ACAD11: variants seen among roughly 807,000 people sequenced by gnomAD.
ACAD11 encodes the protein acyl-Coenzyme A dehydrogenase family, member 11.
A neutral mutation model predicts 102.2 loss-of-function variants in ACAD11; 83 were observed. The ratio of observed to expected loss-of-function variants is 0.81; its 90% CI spans 0.68 to 0.97. The LOEUF (loss-of-function observed/expected upper bound fraction) is 0.97. Among genes scored for constraint, ACAD11 ranks in the 50% least tolerant of loss-of-function variants. The probability of loss-of-function intolerance (pLI) is 0.00; values close to 1 mark genes in which losing one functional copy is unlikely to be tolerated. For missense variants in ACAD11, 901 were observed against 951.7 expected (o/e 0.95, Z 0.70); for synonymous variants, 324 against 319.8 (o/e 1.01, Z -0.14).
intron 13 of ACAD11, among the ~76,000 whole-genome samples, chr3:132,602,559 T>TA (rs1001298017): frequency 3.9e-5 from 6 of 152,182 alleles, no homozygotes; most frequent in Non-Finnish European, 8.8e-5. Context: ...TTATCTTTTT[T>TA]AAAAAAATTT....
intron 11 of ACAD11, among the ~76,000 whole-genome samples, chr3:132,608,660 CAA>C (rs59223957): frequency 0.021 from 3,262 of 152,226 alleles, 55 homozygotes; most frequent in South Asian, 0.072. Context: ...TTAGAGACTA[CAA>C]AGAGACTTAG....
Position 132,619,547 on chromosome 3 carries a change from T to C in ACAD11, c.1198-2A>G. 1.9e-6 allele frequency: 3 copies of C among 1,564,682 alleles called. No individual in the cohort carries two copies. The highest frequency in any genetic ancestry group is 1.7e-6 in the Non-Finnish European group (2 of 1,156,984). On this transcript the variant is annotated splice_acceptor_variant, in intron 9 of 19. Transcript: ENST00000264990. LOFTEE classifies it high-confidence loss of function. ...TTGAACATAGAACTCAGTTACCTCC[T>C]TAAAGTAATAAAAGAAAAAAATTTC...
intron 11 of ACAD11, among the ~76,000 whole-genome samples, chr3:132,606,181 A>G (rs1014157967): frequency 2.0e-5 from 3 of 152,226 alleles, no homozygotes; most frequent in Non-Finnish European, 2.9e-5. Flanking sequence ...CTTTAAGGTT[A>G]GTTACTGAAA....
At chr3:132,601,707 CGAA>C (rs1187454660) in intron 13 of ACAD11, 3 of 450,090 alleles carry the variant, frequency 6.7e-6, no homozygotes, top group Non-Finnish European at 1.3e-5. Context: ...TCTGCTGTAA[CGAA>C]GAAGAGCTTT....
intron 13 of ACAD11, among the ~76,000 whole-genome samples, chr3:132,590,653 C>T (rs117492382): frequency 6.6e-6 from 1 of 152,274 alleles, no homozygotes; most frequent in East Asian, 1.9e-4. Flanking sequence ...TTTTTTTCTA[C>T]AACCTCACCC....
At chr3:132,609,467 A>G (rs961608585) in intron 11 of ACAD11, among the ~76,000 whole-genome samples, 2 of 152,250 alleles carry the variant, frequency 1.3e-5, no homozygotes, top group African/African-American at 4.8e-5. Context: ...CTGATCCCAC[A>G]GAAATACAAA....
At chr3:132,615,556 C>A (rs1421049447) in intron 11 of ACAD11, among the ~76,000 whole-genome samples, 1 of 152,122 alleles carries the variant, frequency 6.6e-6, no homozygotes, top group Non-Finnish European at 1.5e-5. Context: ...AACCATCATT[C>A]TCAGCAAACT....
chr3:132,650,972 TCA>T (rs1423105217), intron 1 of ACAD11, among the ~76,000 whole-genome samples: 2 of 152,200 alleles, frequency 1.3e-5, no homozygotes, highest in Admixed American at 6.5e-5. Flanking sequence ...CCCCTGGAAC[TCA>T]CAGTCTTTCA....
chr3:132,630,261 T>C (rs530983531), intron 7 of ACAD11, among the ~76,000 whole-genome samples, 176 bp downstream of exon 7: 2 of 152,340 alleles, frequency 1.3e-5, no homozygotes, highest in African/African-American at 4.8e-5. Flanking sequence ...ATTTTTTCCT[T>C]GCCAAATTCC....
chr3:132,577,054 G>C, intron 15 of ACAD11, 39 bp from the exon 16 acceptor site: 2 of 1,214,622 alleles, frequency 1.6e-6, no homozygotes, highest in Non-Finnish European at 2.4e-6. Context: ...AAAAGGAGTT[G>C]ACTAAAAAAG....
In ACAD11 at chr3:132,659,592, G is replaced by C. The variant is rs1179969866; in HGVS notation, c.149+11C>G. On this transcript the variant is annotated intron_variant, in intron 1 of 19. Coordinates refer to ENST00000264990, the MANE Select transcript of ACAD11 (RefSeq NM_032169.5). ...TTTTTTTCCGCTGGAGGCAAAGGCT[G>C]ACATCCATACCTGTACTGGGCAATG... 3.1e-6 allele frequency: 5 copies of C among 1,608,918 alleles called. No homozygotes were observed. Among genetic ancestry groups the C allele is most frequent in the African/African-American group, 1.3e-5 (1 of 74,584 alleles).
At position 132,628,436 on chromosome 3, in the gene ACAD11, C is replaced by T. The variant is rs139057088; in HGVS notation, c.974G>A (p.Ser325Asn). The change falls in exon 8 of 20, where the codon AGC becomes AAC. Residue 325 changes from serine to asparagine, a missense_variant. By Grantham distance (46) the Ser-to-Asn change is conservative (BLOSUM62 1). Coordinates refer to ENST00000264990, the MANE Select transcript of ACAD11 (RefSeq NM_032169.5). ...TGAATTATTTCCCAGAAGATATCTG[C>T]TATATACTCCCTATAAATAAACATA... ...KMAGIAQGVYSRYLLGNNSSE... is the reference protein window; with the variant it reads ...KMAGIAQGVYNRYLLGNNSSE... 1.9e-6 allele frequency: 3 copies of T among 1,592,470 alleles called. No individual in the cohort carries two copies. Among genetic ancestry groups the T allele is most frequent in the East Asian group, 2.3e-5 (1 of 44,266 alleles).
chr3:132,577,458 C>A (rs1047791556), intron 15 of ACAD11, among the ~76,000 whole-genome samples: 1 of 152,064 alleles, frequency 6.6e-6, no homozygotes, highest in African/African-American at 2.4e-5. Context: ...TGGAAACCAA[C>A]GCCTAAAGAT....
chr3:132,559,797 T>C (rs1559927204), intron 19 of ACAD11, 36 bp downstream of exon 19: 1 of 1,560,810 alleles, frequency 6.4e-7, no homozygotes, highest in East Asian at 2.3e-5. Context: ...TCCACGCCTA[T>C]CAAACGTAGA....
intron 7 of ACAD11, 81 bp downstream of exon 7, chr3:132,630,356 T>G: frequency 7.2e-7 from 1 of 1,395,728 alleles, no homozygotes; most frequent in Non-Finnish European, 9.5e-7. Context: ...ATAAAGAATA[T>G]AAAACCCGGA....
chr3:132,659,784 C>G lies in ACAD11; in HGVS notation c.-33G>C. 1 of 1,561,726 alleles carries G rather than the reference C, an allele frequency of 6.4e-7. No homozygotes were observed. Among genetic ancestry groups the G allele is most frequent in the African/African-American group, 1.4e-5 (1 of 72,726 alleles). On this transcript the variant is annotated 5_prime_UTR_variant, in exon 1 of 20. Transcript: ENST00000264990. ...CCCGCAGGCCACAGCAACGCGGCAT[C>G]CACAGGTCTCGAGTGCCGAAGTCCT...
intron 17 of ACAD11, among the ~76,000 whole-genome samples, chr3:132,573,913 C>T (rs1005001958): frequency 2.0e-5 from 3 of 152,146 alleles, no homozygotes; most frequent in Admixed American, 2.0e-4. Context: ...ATGAAATGTT[C>T]CTTTCACAAA....
At chr3:132,594,092 T>C (rs1457533037) in intron 13 of ACAD11, among the ~76,000 whole-genome samples, 3 of 152,206 alleles carry the variant, frequency 2.0e-5, no homozygotes, top group Non-Finnish European at 4.4e-5. Flanking sequence ...TCATACACTA[T>C]GATTTATACA....
chr3:132,568,158 C>T (rs1937266357), intron 17 of ACAD11, among the ~76,000 whole-genome samples: 3 of 151,988 alleles, frequency 2.0e-5, no homozygotes, highest in Non-Finnish European at 2.9e-5. Flanking sequence ...ACCCAGGAGG[C>T]GGAGACCGCA....
Sources: gnomAD v4.1 joint callset for allele counts (sites outside exome capture counted in the v4.1 genomes callset) on GRCh38, gnomAD v4.1.1 for gene constraint, MANE v1.5 for transcripts, NCBI Gene and HGNC (gene_info 2026-07-23, HGNC 2026-07-21) for gene names.